COL4A2: variants seen among roughly 807,000 people sequenced by gnomAD.
COL4A2 encodes collagen alpha-2(IV) chain.
COL4A2 carries 99 observed loss-of-function variants against 200.2 expected under a neutral mutation model. That is an observed-to-expected ratio of 0.49 (90% CI 0.42 to 0.58). COL4A2 has a LOEUF of 0.58. COL4A2 is among the 20% of genes least tolerant of loss of function. COL4A2 has a pLI of 0.00. For missense variants in COL4A2, 1,950 were observed against 2,314.1 expected (o/e 0.84, Z 3.23); for synonymous variants, 897 against 900.6 (o/e 1.00, Z 0.07).
chr13:110,371,281 T>C (rs970073481), intron 4 of COL4A2, among the ~76,000 whole-genome samples: 1 of 152,246 alleles, frequency 6.6e-6, no homozygotes, highest in African/African-American at 2.4e-5. Flanking sequence ...AAGATACTTA[T>C]GATACAACAA....
At chr13:110,506,333 G>A in intron 45 of COL4A2, 82 bp from the exon 46 acceptor site, 1 of 1,411,490 alleles carries the variant, frequency 7.1e-7, no homozygotes. Context: ...CAGGCTGTAG[G>A]TGCACCAGGC....
At chr13:110,387,335 C>T (rs1473482921) in intron 4 of COL4A2, among the ~76,000 whole-genome samples, 1 of 152,242 alleles carries the variant, frequency 6.6e-6, no homozygotes, top group African/African-American at 2.4e-5. Context: ...AAGGAAATAG[C>T]CTTGCCGAGG....
rs115579754 is a variant in COL4A2 at position 110,480,424 on chromosome 13, C to T, written c.2758+34C>T. On this transcript the variant is annotated intron_variant, in intron 31 of 47. Transcript: ENST00000360467. ...GTGACTGTGACCAGGGATCCCTTGG[C>T]GGGGAGGTTGGGTCTAATCAACTCT... 1.8e-3 allele frequency: 2,919 copies of T among 1,583,058 alleles called. 35 individuals are homozygous for T. In the African/African-American group the frequency reaches 0.03, roughly 16 times the overall value.
At chr13:110,449,577 T>C (rs1428263559) in intron 18 of COL4A2, 102 bp from the exon 19 acceptor site, 12 of 1,125,922 alleles carry the variant, frequency 1.1e-5, no homozygotes, top group Non-Finnish European at 1.4e-5. Context: ...GCATACAGCA[T>C]ATGGAGCATT....
At chr13:110,502,978 A>AT (rs1467595943) in intron 41 of COL4A2, 143 bp from the exon 42 acceptor site, 5 of 787,172 alleles carry the variant, frequency 6.4e-6, no homozygotes, top group South Asian at 3.4e-5. Flanking sequence ...TTTTACGACA[A>AT]TTTTTTAAAA....
At chr13:110,490,191 C>T (rs1368558889) in intron 36 of COL4A2, among the ~76,000 whole-genome samples, 2 of 152,208 alleles carry the variant, frequency 1.3e-5, no homozygotes, top group African/African-American at 2.4e-5. Context: ...GGAGTCAGGC[C>T]ATCGCTTGAG....
intron 3 of COL4A2, among the ~76,000 whole-genome samples, chr13:110,351,019 T>C (rs970484886): frequency 1.3e-5 from 2 of 152,182 alleles, no homozygotes; most frequent in African/African-American, 4.8e-5. Context: ...CTTTGCTACC[T>C]GCTCTCTCTC....
rs1566463507 is a variant in COL4A2, at chr13:110,308,126, A to G, written c.99+3A>G. ...TCCTCGCCCAGAGCGTCTTGGCGGT[A>G]AGTCCTGGCTCCCGCGCTTGGACTT... On this transcript the variant is annotated splice_donor_region_variant and intron_variant, in intron 3 of 47. Coordinates refer to ENST00000360467, the MANE Select transcript of COL4A2 (RefSeq NM_001846.4). 1 of 1,613,572 alleles carries G rather than the reference A, an allele frequency of 6.2e-7. No homozygotes were observed. Among genetic ancestry groups the G allele is most frequent in the East Asian group, 2.2e-5 (1 of 44,856 alleles).
chr13:110,444,133 C>A (rs1233054136), intron 16 of COL4A2, among the ~76,000 whole-genome samples: 1 of 152,124 alleles, frequency 6.6e-6, no homozygotes, highest in Non-Finnish European at 1.5e-5. Context: ...TTAAGTTGTC[C>A]CCCTTCCCCA....
chr13:110,498,991 G>A (rs1883550309), intron 40 of COL4A2, among the ~76,000 whole-genome samples: 1 of 152,224 alleles, frequency 6.6e-6, no homozygotes, highest in Non-Finnish European at 1.5e-5. Context: ...AGCAGGTCCT[G>A]GAGGCCAGGG....
At chr13:110,460,997 C>T (rs1486764306) in intron 22 of COL4A2, among the ~76,000 whole-genome samples, 1 of 152,200 alleles carries the variant, frequency 6.6e-6, no homozygotes, top group African/African-American at 2.4e-5. Context: ...CACACATTCC[C>T]ATATTCTTGG....
chr13:110,321,179 TG>T lies in COL4A2; in HGVS notation c.99+13057del, dbSNP rs1481241242. On this transcript the variant is annotated intron_variant, in intron 3 of 47. Transcript: ENST00000360467. ...TATGTGCGTATTTATATAGTGTGCATGTGTGTGTGTGTGTGTATGTGTCTGT... is the reference window on the plus strand; with the variant it reads ...TATGTGCGTATTTATATAGTGTGCATTGTGTGTGTGTGTGTATGTGTCTGT... Among the ~76,000 whole-genome samples the T allele has an allele frequency of 2.1e-3, 39 of 18,784 alleles. 1 individual carries two copies. The highest frequency in any genetic ancestry group is 0.018 in the East Asian group (38 of 2,070). 12.3% of individuals were successfully genotyped at this position (18,784 alleles called of 152,430 possible).
chr13:110,381,353 G>A (rs949268052), intron 4 of COL4A2, among the ~76,000 whole-genome samples: 24 of 152,200 alleles, frequency 1.6e-4, no homozygotes, highest in African/African-American at 4.8e-4. Context: ...GCACTCTGGC[G>A]TCCCCTTTCC....
At chr13:110,484,772 C>G (rs1254255613) in intron 32 of COL4A2, 133 bp from the exon 33 acceptor site, 2 of 1,315,004 alleles carry the variant, frequency 1.5e-6, no homozygotes, top group African/African-American at 2.9e-5. Context: ...TCTCCGGCGC[C>G]CTTGGTCTCT....
At chr13:110,312,466 A>C (rs1344774654) in intron 3 of COL4A2, among the ~76,000 whole-genome samples, 1 of 152,228 alleles carries the variant, frequency 6.6e-6, no homozygotes, top group Non-Finnish European at 1.5e-5. Context: ...GGGAAAGAAA[A>C]TGGATGTGTA....
In COL4A2 at chr13:110,436,349, C is replaced by T; in HGVS notation, c.807C>T (p.Phe269=). Residue 269 remains phenylalanine (F), a synonymous_variant, in exon 13 of 48, where the codon TTC becomes TTT. Coordinates refer to ENST00000360467, the MANE Select transcript of COL4A2 (RefSeq NM_001846.4). The stretch of plus-strand genomic sequence containing the variant: ...TCATCGCGCCCACAGGAGTCACCTT[C>T]CACCCAGATCAGTACAAGGTAAAGA... ...HPIIAPTGVT[F]HPDQYKGEKG... is the part of the protein sequence containing the mutation. 6.2e-7 allele frequency: 1 copy of T among 1,613,890 alleles called. No homozygotes were observed.
intron 4 of COL4A2, among the ~76,000 whole-genome samples, chr13:110,388,898 G>C (rs1464420309): frequency 6.6e-6 from 1 of 152,056 alleles, no homozygotes; most frequent in Non-Finnish European, 1.5e-5. Context: ...TCTTTCCTTG[G>C]GCCCCTTCTG....
intron 3 of COL4A2, among the ~76,000 whole-genome samples, chr13:110,317,845 G>A (rs1885181072): frequency 6.6e-6 from 1 of 152,212 alleles, no homozygotes; most frequent in South Asian, 2.1e-4. Flanking sequence ...AAGACTTACT[G>A]AAACGCTATG....
At chr13:110,430,730 T>C in intron 10 of COL4A2, 123 bp downstream of exon 10, 2 of 1,323,324 alleles carry the variant, frequency 1.5e-6, no homozygotes, top group Middle Eastern at 1.8e-4. Flanking sequence ...CTTATAGGCG[T>C]AGCAGAGAAC....
Sources: gnomAD v4.1 joint callset for allele counts (sites outside exome capture counted in the v4.1 genomes callset) on GRCh38, gnomAD v4.1.1 for gene constraint, MANE v1.5 for transcripts, NCBI Gene and HGNC (gene_info 2026-07-23, HGNC 2026-07-21) for gene names.